The following MYO5A variants were observed in gnomAD, a reference collection of about 807,000 sequenced individuals.
MYO5A encodes the protein myosin VA, also known as unconventional myosin-Va.
In MYO5A, 98 loss-of-function variants were observed where a neutral mutation model predicts 249.7. The observed-to-expected ratio is 0.39, with a 90% CI of 0.33 to 0.46. The LOEUF (loss-of-function observed/expected upper bound fraction) is 0.46, where lower values mean the gene tolerates loss of function less well. Among genes scored for constraint, MYO5A ranks in the 20% least tolerant of loss-of-function variants. MYO5A has a pLI of 0.98. For missense variants in MYO5A, 1,696 were observed against 2,308.8 expected (o/e 0.73, Z 5.44); for synonymous variants, 778 against 810.6 (o/e 0.96, Z 0.68).
chr15:52,496,456 C>G (rs1001935960), intron 1 of MYO5A, among the ~76,000 whole-genome samples: 1 of 152,132 alleles, frequency 6.6e-6, no homozygotes, highest in African/African-American at 2.4e-5. Flanking sequence ...CTGGTCCAGT[C>G]CCTTGTGGCT....
At chr15:52,433,336 A>G (rs2075583093) in intron 1 of MYO5A, 51 bp from the exon 2 acceptor site, 2 of 1,057,564 alleles carry the variant, frequency 1.9e-6, no homozygotes, top group African/African-American at 3.2e-5. Flanking sequence ...TTATTTTACA[A>G]TCATATATAA....
intron 13 of MYO5A, among the ~76,000 whole-genome samples, chr15:52,388,550 T>C (rs1449454024): frequency 6.6e-6 from 1 of 152,178 alleles, no homozygotes; most frequent in Non-Finnish European, 1.5e-5. Context: ...AGGGCAGACT[T>C]AGAAAGTCCT....
At chr15:52,482,086 C>T (rs1222835852) in intron 1 of MYO5A, among the ~76,000 whole-genome samples, 1 of 152,104 alleles carries the variant, frequency 6.6e-6, no homozygotes, top group African/African-American at 2.4e-5. Context: ...CTTGTGACCA[C>T]AAGAGAGAGA....
At chr15:52,396,442 A>G (rs774599791) in intron 10 of MYO5A, 45 bp from the exon 11 acceptor site, 4 of 1,146,896 alleles carry the variant, frequency 3.5e-6, no homozygotes, top group Non-Finnish European at 5.2e-6. Flanking sequence ...AAGGAACAAA[A>G]AGCTTTTTAA....
intron 1 of MYO5A, among the ~76,000 whole-genome samples, chr15:52,445,878 A>T (rs1409762166): frequency 6.6e-6 from 1 of 152,192 alleles, no homozygotes; most frequent in Non-Finnish European, 1.5e-5. Flanking sequence ...ATGTGGCCCG[A>T]CTGCTTCGAA....
At chr15:52,415,610 T>G (rs1444151910) in intron 5 of MYO5A, among the ~76,000 whole-genome samples, 3 of 152,194 alleles carry the variant, frequency 2.0e-5, no homozygotes, top group Non-Finnish European at 4.4e-5. Context: ...TAGTTTAAGT[T>G]TGTAGTTCAA....
rs146764374 is a variant in MYO5A at position 52,466,092 on chromosome 15, G to A, written c.28-32807C>T. Among the ~76,000 whole-genome samples the A allele has an allele frequency of 3.3e-5, 5 of 152,298 alleles. No homozygotes were observed. The East Asian group carries it at 7.7e-4, about 23-fold the overall frequency. On this transcript the variant is annotated intron_variant, in intron 1 of 41. Coordinates refer to ENST00000399233, the MANE Select transcript of MYO5A (RefSeq NM_001382347.1). ...TAGATCTAACATGCGGAGCAGCCAGGAGACTGTGAGAAGGAACTGCTTGAG... is the reference window on the plus strand; with the variant it reads ...TAGATCTAACATGCGGAGCAGCCAGAAGACTGTGAGAAGGAACTGCTTGAG...
rs114454115 is a variant in MYO5A at position 52,505,784 on chromosome 15, C to A, written c.27+22996G>T. 1,888 of 1,575,458 alleles carry A rather than the reference C, an allele frequency of 1.2e-3. 18 individuals are homozygous for A. The African/African-American group carries it at 0.022, about 18-fold the overall frequency. On this transcript the variant is annotated intron_variant, in intron 1 of 41. Coordinates refer to ENST00000399233, the MANE Select transcript of MYO5A (RefSeq NM_001382347.1). ...GTAGTTGAGGATGATAAAGTTGGAA[C>A]AGATATGCTGGAGGAGCAGATCACT...
intron 1 of MYO5A, among the ~76,000 whole-genome samples, chr15:52,515,998 C>T (rs66461265): frequency 0.15 from 23,092 of 152,060 alleles, 1,858 homozygotes; most frequent in Middle Eastern, 0.22. Flanking sequence ...TACTAAATAC[C>T]GGTCACTATT....
chr15:52,370,468 G>T, intron 21 of MYO5A, 51 bp from the exon 22 acceptor site: 1 of 1,545,716 alleles, frequency 6.5e-7, no homozygotes, highest in Non-Finnish European at 8.9e-7. Context: ...ATCATCAAAT[G>T]TATTTAGTAA....
At chr15:52,359,894 T>G in intron 25 of MYO5A, 74 bp downstream of exon 25, 1 of 1,049,338 alleles carries the variant, frequency 9.5e-7, no homozygotes, top group Non-Finnish European at 1.5e-6. Flanking sequence ...GGAGTCTGCT[T>G]TGCAATGGAA....
Position 52,346,409 on chromosome 15 carries a change from T to G in MYO5A, c.3911A>C (p.Asp1304Ala). The change falls in exon 30 of 42, where the codon GAT (aspartate) becomes GCT (alanine). Residue 1304 changes from aspartate to alanine, a missense_variant. Coordinates refer to ENST00000399233, the MANE Select transcript of MYO5A (RefSeq NM_001382347.1). Reference protein sequence around the residue: ...ILLEDVQKMKDKGEIAQAYIG... With the variant: ...ILLEDVQKMKAKGEIAQAYIG... The stretch of plus-strand genomic sequence containing the variant: ...GTATGCTTGTGCTATTTCACCTTTA[T>G]CTTTCATTTTTTGTACATCTTCCAA... 1 of 1,608,116 alleles carries G rather than the reference T, an allele frequency of 6.2e-7. No individual in the cohort carries two copies. The highest frequency in any genetic ancestry group is 8.5e-7 in the Non-Finnish European group (1 of 1,174,808).
intron 1 of MYO5A, among the ~76,000 whole-genome samples, chr15:52,492,151 C>G (rs529134228): frequency 2.6e-5 from 4 of 152,082 alleles, no homozygotes; most frequent in African/African-American, 9.6e-5. Context: ...TTTTTAAGTG[C>G]TTATGTTAGA....
Sources: allele counts gnomAD v4.1 joint callset (sites outside exome capture counted in the v4.1 genomes callset), GRCh38; gene constraint gnomAD v4.1.1; transcripts MANE v1.5; gene names NCBI Gene and HGNC (gene_info 2026-07-23, HGNC 2026-07-21).